Variants in PIGK observed in about 807,000 individuals in gnomAD.
PIGK encodes the protein GPI-anchor transamidase.
A neutral mutation model predicts 50.6 loss-of-function variants in PIGK; 42 were observed. That is an observed-to-expected ratio of 0.83 (90% CI 0.65 to 1.07). The LOEUF is 1.07. Ranked by LOEUF, PIGK falls within the 50% of genes least tolerant of loss-of-function variation. The pLI is 0.00. For missense variants in PIGK, 448 were observed against 488.7 expected (o/e 0.92, Z 0.78); for synonymous variants, 151 against 156.0 (o/e 0.97, Z 0.24).
At chr1:77,189,734 TATATATATATATATACACACAC>T (rs1461806093) in intron 3 of PIGK, among the ~76,000 whole-genome samples, 27 of 32,284 alleles carry the variant, frequency 8.4e-4, no homozygotes, top group African/African-American at 3.0e-3. Context: ...TATATATATA[TATATATATATATATACACACAC>T]ACACACACAC....
chr1:77,162,323 G>A (rs1655147653), intron 6 of PIGK, among the ~76,000 whole-genome samples: 1 of 152,164 alleles, frequency 6.6e-6, no homozygotes, highest in Admixed American at 6.5e-5. Context: ...TACGGACAAT[G>A]AGGGATGTTA....
rs1656386402 is a variant in PIGK at position 77,210,288 on chromosome 1, T to C, written c.147+148A>G. The stretch of plus-strand genomic sequence containing the variant: ...TACTAGATTATTATAGTTGATGTGG[T>C]CAATTTAAAATATAGCCAAATCAAA... On this transcript the variant is annotated intron_variant, in intron 2 of 10. Transcript: ENST00000370812. The C allele has an allele frequency of 8.1e-6, 4 of 494,318 alleles. No homozygotes were observed. The South Asian group carries it at 1.2e-4, about 15-fold the overall frequency. 30.6% of individuals were successfully genotyped at this position (494,318 alleles called of 1,614,324 possible).
intron 1 of PIGK, among the ~76,000 whole-genome samples, chr1:77,215,439 AGGGAATT>A (rs1404055633): frequency 6.6e-6 from 1 of 152,172 alleles, no homozygotes. Context: ...TGTAGACAAA[AGGGAATT>A]GGGAATTCTT....
chr1:77,125,854 G>T (rs1325000367), intron 9 of PIGK, among the ~76,000 whole-genome samples: 1 of 151,992 alleles, frequency 6.6e-6, no homozygotes, highest in East Asian at 1.9e-4. Context: ...TAAATATATG[G>T]AAAATTCTCT....
intron 3 of PIGK, among the ~76,000 whole-genome samples, chr1:77,203,246 C>G (rs1656212423): frequency 6.6e-6 from 1 of 152,138 alleles, no homozygotes; most frequent in Non-Finnish European, 1.5e-5. Context: ...AACCTTAGAA[C>G]CTAACCCCTA....
At chr1:77,174,339 G>A (rs1299850530) in intron 3 of PIGK, among the ~76,000 whole-genome samples, 1 of 152,128 alleles carries the variant, frequency 6.6e-6, no homozygotes, top group East Asian at 1.9e-4. Flanking sequence ...GGGACTCCTT[G>A]GGAAAAGCAG....
At chr1:77,100,770 C>A (rs1041107723) in intron 10 of PIGK, among the ~76,000 whole-genome samples, 2 of 152,176 alleles carry the variant, frequency 1.3e-5, no homozygotes, top group African/African-American at 2.4e-5. Context: ...AAGATGCTCT[C>A]CTGTTGGCCT....
intron 3 of PIGK, among the ~76,000 whole-genome samples, chr1:77,203,468 A>C (rs1203754289): frequency 6.6e-6 from 1 of 152,202 alleles, no homozygotes; most frequent in African/African-American, 2.4e-5. Context: ...CATGGAACTT[A>C]GATAAGAAAC....
intron 10 of PIGK, among the ~76,000 whole-genome samples, chr1:77,118,776 A>T (rs1654033436): frequency 6.6e-6 from 1 of 152,128 alleles, no homozygotes; most frequent in South Asian, 2.1e-4. Context: ...ATTTATATAA[A>T]CCATATACGT....
chr1:77,176,024 C>G (rs2100565503), intron 3 of PIGK, among the ~76,000 whole-genome samples: 1 of 152,074 alleles, frequency 6.6e-6, no homozygotes, highest in South Asian at 2.1e-4. Context: ...TTTTGTTTGC[C>G]TTTTGAATAA....
intron 9 of PIGK, among the ~76,000 whole-genome samples, chr1:77,123,812 G>A (rs1570200200): frequency 6.6e-6 from 1 of 151,928 alleles, no homozygotes; most frequent in East Asian, 1.9e-4. Flanking sequence ...ATTTGTTATG[G>A]GCTGAATTGT....
chr1:77,211,628 T>C (rs1339829733), intron 1 of PIGK, among the ~76,000 whole-genome samples: 1 of 152,042 alleles, frequency 6.6e-6, no homozygotes. Context: ...TATCACTCTT[T>C]GAACTTCTCA....
chr1:77,195,709 A>G (rs1656018142), intron 3 of PIGK, among the ~76,000 whole-genome samples: 1 of 152,132 alleles, frequency 6.6e-6, no homozygotes, highest in Admixed American at 6.5e-5. Flanking sequence ...TCTGTACACA[A>G]GTCATCACTA....
chr1:77,116,190 T>C (rs1653957466), intron 10 of PIGK, among the ~76,000 whole-genome samples: 1 of 151,846 alleles, frequency 6.6e-6, no homozygotes, highest in Non-Finnish European at 1.5e-5. Context: ...CACATCTTTC[T>C]CTTTTTTTTT....
intron 3 of PIGK, among the ~76,000 whole-genome samples, chr1:77,189,746 T>C (rs913214919): frequency 0.063 from 2,732 of 43,098 alleles, 35 homozygotes; most frequent in South Asian, 0.1. Context: ...TATATATATA[T>C]ATACACACAC....
At chr1:77,162,409 G>A (rs558749966) in intron 6 of PIGK, among the ~76,000 whole-genome samples, 1 of 152,268 alleles carries the variant, frequency 6.6e-6, no homozygotes, top group Non-Finnish European at 1.5e-5. Context: ...ATAAGTGCTT[G>A]GGAACAGATC....
intron 9 of PIGK, among the ~76,000 whole-genome samples, chr1:77,132,140 C>G (rs1654386803): frequency 6.6e-6 from 1 of 151,824 alleles, no homozygotes; most frequent in South Asian, 2.1e-4. Context: ...ATTTTTATAT[C>G]CTTATACTGA....
intron 3 of PIGK, among the ~76,000 whole-genome samples, chr1:77,185,249 G>GT (rs545946369): frequency 9.9e-5 from 15 of 152,264 alleles, no homozygotes; most frequent in South Asian, 6.2e-4. Flanking sequence ...CAACTCTCTA[G>GT]TTTTGTGTCA....
chr1:77,217,285 G>T (rs906564617), intron 1 of PIGK, among the ~76,000 whole-genome samples: 22 of 152,142 alleles, frequency 1.4e-4, no homozygotes, highest in Non-Finnish European at 2.4e-4. Context: ...ACCTGACCTG[G>T]TCAGGAAAGT....
Sources: gnomAD v4.1 joint callset for allele counts (sites outside exome capture counted in the v4.1 genomes callset) on GRCh38, gnomAD v4.1.1 for gene constraint, MANE v1.5 for transcripts, NCBI Gene and HGNC (gene_info 2026-07-23, HGNC 2026-07-21) for gene names.